MPDZ: variants seen among roughly 807,000 people sequenced by gnomAD.
The protein encoded by MPDZ is multiple PDZ domain crumbs cell polarity complex component.
A neutral mutation model predicts 239.1 loss-of-function variants in MPDZ; 234 were observed. The observed-to-expected ratio is 0.98, with a 90% confidence interval of 0.88 to 1.09. MPDZ has a LOEUF of 1.09. Ranked by LOEUF, MPDZ falls within the 50% of genes least tolerant of loss-of-function variation. The pLI, the probability that MPDZ is intolerant of heterozygous loss-of-function variation, is 0.00. For missense variants in MPDZ, 3,175 were observed against 2,510.0 expected, an observed-to-expected ratio of 1.26 and a Z score of -5.66; for synonymous variants, 1,048 against 881.3, an observed-to-expected ratio of 1.19 and a Z score of -3.35.
intron 18 of MPDZ, among the ~76,000 whole-genome samples, chr9:13,185,958 A>G (rs1047829879): frequency 1.3e-5 from 2 of 152,154 alleles, no homozygotes; most frequent in African/African-American, 2.4e-5. Context: ...ACAGTTAAAG[A>G]ATGCCTAGAG....
intron 12 of MPDZ, among the ~76,000 whole-genome samples, chr9:13,198,379 C>G (rs1481231646): frequency 6.6e-6 from 1 of 151,988 alleles, no homozygotes; most frequent in East Asian, 1.9e-4. Context: ...ACCTATTGGC[C>G]ATTTGTATGT....
In MPDZ at chr9:13,224,599, G is replaced by T; in HGVS notation, c.184-16C>A. ...CAATATTTACCTAAGAGTAATGCAGGGATTATTAAGAATTTTGACATTCCA... is the reference window on the plus strand; with the variant it reads ...CAATATTTACCTAAGAGTAATGCAGTGATTATTAAGAATTTTGACATTCCA... On this transcript the variant is annotated splice_polypyrimidine_tract_variant and intron_variant, in intron 3 of 46. Transcript: ENST00000319217. 1.3e-6 allele frequency: 2 copies of T among 1,514,252 alleles called. No individual in the cohort carries two copies. Among genetic ancestry groups the T allele is most frequent in the South Asian group, 1.2e-5 (1 of 82,896 alleles). 93.8% of individuals were successfully genotyped at this position (1,514,252 alleles called of 1,614,324 possible). A position where few individuals can be genotyped will look rare whatever the true frequency, so the allele number is the denominator to read the frequency against.
chr9:13,116,363 G>A (rs1376498620), intron 39 of MPDZ, among the ~76,000 whole-genome samples: 1 of 152,118 alleles, frequency 6.6e-6, no homozygotes, highest in East Asian at 1.9e-4. Context: ...ATAGGTTGTT[G>A]AGATAAATAA....
At position 13,245,971 on chromosome 9, in the gene MPDZ, CT is replaced by C. The variant is rs1966496222; in HGVS notation, c.183+1663del. Among the ~76,000 whole-genome samples, 3 of 152,158 alleles carry C rather than the reference CT, an allele frequency of 2.0e-5. 1 individual carries two copies. The highest frequency in any genetic ancestry group is 2.0e-4 in the Admixed American group (3 of 15,270). On this transcript the variant is annotated intron_variant, in intron 3 of 46. Coordinates refer to ENST00000319217, the MANE Select transcript of MPDZ (RefSeq NM_001378778.1). The stretch of plus-strand genomic sequence containing the variant: ...ATATCCCAACAGACTTGCTAGCACT[CT>C]TTTTGTTTCAACTTTTCTTCTCATT...
At chr9:13,107,983 T>C (rs752741351) in intron 46 of MPDZ, among the ~76,000 whole-genome samples, 18 of 152,280 alleles carry the variant, frequency 1.2e-4, no homozygotes, top group Non-Finnish European at 2.4e-4. Context: ...GACATACCGA[T>C]AGCTTTTTTA....
intron 16 of MPDZ, 102 bp downstream of exon 16, chr9:13,190,012 A>G (rs1954676406): frequency 1.9e-6 from 2 of 1,076,728 alleles, no homozygotes; most frequent in Non-Finnish European, 2.6e-6. Flanking sequence ...GACTGACTAG[A>G]AAAAAGAAAA....
At chr9:13,262,512 T>C (rs963375174) in intron 1 of MPDZ, among the ~76,000 whole-genome samples, 3 of 151,948 alleles carry the variant, frequency 2.0e-5, no homozygotes, top group Admixed American at 6.6e-5. Flanking sequence ...ATGTTCTTTC[T>C]TCAAACTCTA....
chr9:13,253,856 T>C (rs996498235), intron 1 of MPDZ, among the ~76,000 whole-genome samples: 1 of 152,194 alleles, frequency 6.6e-6, no homozygotes, highest in African/African-American at 2.4e-5. Flanking sequence ...ACCTATCACA[T>C]GCTAGGTACT....
chr9:13,192,857 T>G (rs1955122242), intron 14 of MPDZ, among the ~76,000 whole-genome samples: 1 of 152,190 alleles, frequency 6.6e-6, no homozygotes, highest in Non-Finnish European at 1.5e-5. Flanking sequence ...CTTTGTATTC[T>G]CTGTGATTTT....
intron 10 of MPDZ, among the ~76,000 whole-genome samples, chr9:13,207,392 G>A (rs1957123894): frequency 6.6e-6 from 1 of 152,028 alleles, no homozygotes; most frequent in Non-Finnish European, 1.5e-5. Context: ...CATCTCTCAT[G>A]ATGCTGTCCA....
Position 13,276,103 on chromosome 9 carries a change from A to G in MPDZ, c.-58+3297T>C, listed in dbSNP as rs576121879. 5.3e-5 allele frequency among the ~76,000 whole-genome samples: 8 copies of G among 152,258 alleles called. No individual in the cohort carries two copies. In the East Asian group the frequency reaches 1.5e-3, roughly 29 times the overall value. ...TTATTTCTCCCATTAGATTCCTCCA[A>G]CTAAGACCCTACACTTCTGGAGCAG... On this transcript the variant is annotated intron_variant, in intron 1 of 46. Coordinates refer to ENST00000319217, the MANE Select transcript of MPDZ (RefSeq NM_001378778.1).
At chr9:13,131,157 T>G (rs1945940093) in intron 32 of MPDZ, among the ~76,000 whole-genome samples, 1 of 152,182 alleles carries the variant, frequency 6.6e-6, no homozygotes, top group Non-Finnish European at 1.5e-5. Context: ...AAGCTGTTTC[T>G]TTCTCCCTTC....
intron 8 of MPDZ, among the ~76,000 whole-genome samples, chr9:13,218,007 A>G (rs1958582637): frequency 6.6e-6 from 1 of 151,820 alleles, no homozygotes; most frequent in Non-Finnish European, 1.5e-5. Flanking sequence ...AGCTATTGGT[A>G]CTATGTATTA....
Position 13,190,110 on chromosome 9 carries a change from T to C in MPDZ, c.2154+4A>G, listed in dbSNP as rs201754677. On this transcript the variant is annotated splice_donor_region_variant and intron_variant, in intron 16 of 46. Coordinates refer to ENST00000319217, the MANE Select transcript of MPDZ (RefSeq NM_001378778.1). ...AAAAATTGTTAAAAGTAGTATATACTTACCTGATAATCTAAAATGCTAAAA... is the reference window on the plus strand; with the variant it reads ...AAAAATTGTTAAAAGTAGTATATACCTACCTGATAATCTAAAATGCTAAAA... The C allele has an allele frequency of 2.5e-6, 4 of 1,609,848 alleles. No homozygotes were observed. The highest frequency in any genetic ancestry group is 3.4e-6 in the Non-Finnish European group (4 of 1,177,850).
intron 22 of MPDZ, chr9:13,165,547 C>G: frequency 2.3e-6 from 2 of 861,256 alleles, no homozygotes; most frequent in Non-Finnish European, 3.5e-6. Context: ...CTTTCCACCT[C>G]CCTCCCATCT....
chr9:13,106,991 T>C lies in MPDZ; in HGVS notation c.6187A>G (p.Thr2063Ala), dbSNP rs746534878. Residue 2063 changes from threonine (T) to alanine (A), a missense_variant, in exon 47 of 47, where the codon ACT becomes GCT. Thr to Ala is a moderately conservative substitution (Grantham distance 58). Coordinates refer to ENST00000319217, the MANE Select transcript of MPDZ (RefSeq NM_001378778.1). ...AVAILKRTKG[T>A]VTLMVLS ...CAAGAGAGAACCATCAAAGTGACAG[T>C]GCCTTTTGTCCGTTTAAGGATGGCA... 6.2e-7 allele frequency: 1 copy of C among 1,613,734 alleles called. No homozygotes were observed. Among genetic ancestry groups the C allele is most frequent in the South Asian group, 1.1e-5 (1 of 91,068 alleles).
intron 34 of MPDZ, among the ~76,000 whole-genome samples, chr9:13,125,986 A>T (rs931725497): frequency 2.6e-4 from 39 of 152,202 alleles, no homozygotes; most frequent in African/African-American, 8.9e-4. Context: ...TATAAGAAAG[A>T]AAAAGCATAC....
chr9:13,174,258 T>C (rs1346321949), intron 21 of MPDZ, among the ~76,000 whole-genome samples: 2 of 152,200 alleles, frequency 1.3e-5, no homozygotes, highest in African/African-American at 4.8e-5. Context: ...AATATTTTAA[T>C]GCCTTTAGGA....
rs2131160620 is a variant in MPDZ at position 13,112,035 on chromosome 9, G to C, written c.5713C>G (p.Gln1905Glu). The C allele has an allele frequency of 6.2e-7, 1 of 1,613,384 alleles. No homozygotes were observed. The highest frequency in any genetic ancestry group is 2.2e-5 in the East Asian group (1 of 44,842). The change falls in exon 43 of 47, where the codon CAA becomes GAA. Residue 1905 changes from glutamine to glutamate, a missense_variant. Physicochemically the swap from Gln to Glu is conservative, Grantham distance 29 (BLOSUM62 2). Coordinates refer to ENST00000319217, the MANE Select transcript of MPDZ (RefSeq NM_001378778.1). ...ATAGTACGACTCACTCTGAGTTTTTGGGTCTGTGCTGCAACTCCAGTTGGG... is the reference window on the plus strand; with the variant it reads ...ATAGTACGACTCACTCTGAGTTTTTCGGTCTGTGCTGCAACTCCAGTTGGG... ...MHPTGVAAQT[Q>E]KLRVGDRIVT...
Sources: allele counts gnomAD v4.1 joint callset (sites outside exome capture counted in the v4.1 genomes callset), GRCh38; gene constraint gnomAD v4.1.1; transcripts MANE v1.5; gene names NCBI Gene and HGNC (gene_info 2026-07-23, HGNC 2026-07-21).